SERPINE2: variants seen among roughly 807,000 people sequenced by gnomAD.
The protein encoded by SERPINE2 is serpin family E member 2.
Under a neutral mutation model 36.3 loss-of-function variants are expected in SERPINE2, and 14 were observed. The ratio of observed to expected loss-of-function variants is 0.39; its 90% CI spans 0.25 to 0.60. The LOEUF is 0.60. Among genes scored for constraint, SERPINE2 ranks in the 20% least tolerant of loss-of-function variants. SERPINE2 has a pLI of 0.57. For missense variants in SERPINE2, 418 were observed against 499.6 expected (o/e 0.84, Z 1.56); for synonymous variants, 192 against 191.8 (o/e 1.00, Z -0.01).
rs1225758143 is a variant in SERPINE2, at chr2:223,982,727, A to T, written c.939T>A (p.Ile313=). 1.9e-6 allele frequency: 3 copies of T among 1,613,940 alleles called. No individual in the cohort carries two copies. The highest frequency in any genetic ancestry group is 3.3e-5 in the Admixed American group (2 of 59,982). ...DLKEPLKVLG[I]TDMFDSSKAN... is the part of the protein sequence containing the mutation. ...CCTTTGATGAATCAAACATGTCAGT[A>T]ATGCCAAGAACTTTCAGCGGCTCCT... The change falls in exon 6 of 9, where the codon ATT becomes ATA. Residue 313 remains isoleucine (I), a synonymous_variant. Transcript: ENST00000409304.
intron 3 of SERPINE2, among the ~76,000 whole-genome samples, chr2:223,996,287 C>A (rs1690885659): frequency 1.3e-5 from 2 of 152,168 alleles, no homozygotes; most frequent in South Asian, 4.1e-4. Context: ...AAGAACCAGT[C>A]CTGAGGGCGT....
At chr2:224,004,181 T>C (rs1013481747) in intron 1 of SERPINE2, among the ~76,000 whole-genome samples, 1 of 152,180 alleles carries the variant, frequency 6.6e-6, no homozygotes, top group African/African-American at 2.4e-5. Context: ...ATCCTGATCC[T>C]CACGGTCAGC....
chr2:223,978,480 A>G, intron 7 of SERPINE2: 1 of 152,318 alleles, frequency 6.6e-6, no homozygotes, highest in Non-Finnish European at 1.5e-5. Flanking sequence ...ACTACCTTAT[A>G]CTGCTGTTCC....
chr2:224,034,218 A>T (rs1031393976), intron 1 of SERPINE2, among the ~76,000 whole-genome samples: 2 of 152,176 alleles, frequency 1.3e-5, no homozygotes, highest in African/African-American at 4.8e-5. Flanking sequence ...TCATTGAGGT[A>T]GGCACGGGGA....
At chr2:224,001,180 T>C (rs1559206275) in intron 2 of SERPINE2, among the ~76,000 whole-genome samples, 2 of 152,104 alleles carry the variant, frequency 1.3e-5, no homozygotes, top group Non-Finnish European at 2.9e-5. Context: ...AACTTTATCA[T>C]TTGTGCAGAT....
chr2:223,988,965 G>C (rs1329196969), intron 4 of SERPINE2, among the ~76,000 whole-genome samples: 1 of 152,118 alleles, frequency 6.6e-6, no homozygotes, highest in Non-Finnish European at 1.5e-5. Context: ...AAGTTTCATA[G>C]ACATATTTTA....
At chr2:224,030,474 C>T (rs566731842) in intron 1 of SERPINE2, 1 of 153,014 alleles carries the variant, frequency 6.5e-6, no homozygotes, top group African/African-American at 2.4e-5. Flanking sequence ...AAGATATACT[C>T]TTCGCTTCAT....
Position 223,991,892 on chromosome 2 carries a change from G to T in SERPINE2, c.596C>A (p.Pro199His), listed in dbSNP as rs918355276. 3 of 1,613,284 alleles carry T rather than the reference G, an allele frequency of 1.9e-6. No homozygotes were observed. The highest frequency in any genetic ancestry group is 2.5e-6 in the Non-Finnish European group (3 of 1,179,646). ...FKGLWKSRFQPENTKKRTFVA... is the reference protein window; with the variant it reads ...FKGLWKSRFQHENTKKRTFVA... ...GAAAGTGCGTTTCTTTGTGTTCTCG[G>T]GTTGGAACCGTGATTTCCACAGACC... Residue 199 changes from proline (P) to histidine (H), a missense_variant, in exon 4 of 9, where the codon CCC becomes CAC. Transcript: ENST00000409304.
intron 1 of SERPINE2, among the ~76,000 whole-genome samples, chr2:224,028,025 G>C (rs541338307): frequency 6.6e-6 from 1 of 152,312 alleles, no homozygotes; most frequent in South Asian, 2.1e-4. Flanking sequence ...GAGAAAAAGA[G>C]CATGAATCAG....
In SERPINE2 at chr2:223,980,328, T is replaced by G. The variant is rs1418002764; in HGVS notation, c.1055A>C (p.Lys352Thr). Residue 352 changes from lysine to threonine, a missense_variant, in exon 7 of 9, where the codon AAA becomes ACA. By Grantham distance (78) the Lys-to-Thr change is moderately conservative. Coordinates refer to ENST00000409304, the MANE Select transcript of SERPINE2 (RefSeq NM_001136528.2). Reference sequence around the variant, plus strand: ...GTGCTTACTTGTTGCTGCTGAAGCTTTGGTTCCATCTTCACTGACTTCAAT... The same window carrying G: ...GTGCTTACTTGTTGCTGCTGAAGCTGTGGTTCCATCTTCACTGACTTCAAT... ...AKIEVSEDGT[K>T]ASAATTAILI... 6.2e-7 allele frequency: 1 copy of G among 1,614,094 alleles called. No individual in the cohort carries two copies. Among genetic ancestry groups the G allele is most frequent in the South Asian group, 1.1e-5 (1 of 91,088 alleles).
intron 8 of SERPINE2, among the ~76,000 whole-genome samples, chr2:223,976,184 A>T (rs145586034): frequency 2.0e-5 from 3 of 152,096 alleles, no homozygotes; most frequent in African/African-American, 7.2e-5. Context: ...AGAGTCTTGC[A>T]CTGTCACCCA....
At chr2:224,033,413 G>A (rs1050088089) in intron 1 of SERPINE2, among the ~76,000 whole-genome samples, 1 of 152,016 alleles carries the variant, frequency 6.6e-6, no homozygotes, top group African/African-American at 2.4e-5. Flanking sequence ...ATGCATTTAC[G>A]AAAAAATTTT....
Position 224,004,836 on chromosome 2 carries a change from C to A in SERPINE2, c.-22-2914G>T, listed in dbSNP as rs924838726. ...TATAGTCTATTCTGGTGTCTACATT[C>A]GGCCCACTATAATCTGTACTCCTGA... On this transcript the variant is annotated intron_variant, in intron 1 of 8. Coordinates refer to ENST00000409304, the MANE Select transcript of SERPINE2 (RefSeq NM_001136528.2). Among the ~76,000 whole-genome samples, 8 of 151,364 alleles carry A rather than the reference C, an allele frequency of 5.3e-5. No homozygotes were observed. In the East Asian group the frequency reaches 1.6e-3, roughly 30 times the overall value.
chr2:223,985,300 C>CT (rs35920706), intron 4 of SERPINE2, among the ~76,000 whole-genome samples: 29 of 145,894 alleles, frequency 2.0e-4, no homozygotes, highest in East Asian at 6.0e-4. Context: ...AGAATCATTC[C>CT]TTTTTTTTTT....
intron 8 of SERPINE2, 130 bp from the exon 9 acceptor site, chr2:223,976,034 C>A: frequency 1.5e-6 from 1 of 679,956 alleles, no homozygotes; most frequent in Non-Finnish European, 2.3e-6. Flanking sequence ...TCCAGTATAA[C>A]TTTCTGCAGT....
intron 4 of SERPINE2, among the ~76,000 whole-genome samples, chr2:223,990,917 G>A (rs920063388): frequency 1.2e-4 from 19 of 152,192 alleles, no homozygotes; most frequent in Non-Finnish European, 2.9e-5. Context: ...GGTCGAGGCT[G>A]CGGTGAGCCA....
At chr2:224,002,069 T>A in intron 1 of SERPINE2, 147 bp from the exon 2 acceptor site, 1 of 707,080 alleles carries the variant, frequency 1.4e-6, no homozygotes, top group Non-Finnish European at 2.3e-6. Context: ...CTCCGCCTCC[T>A]GGGTTCAAGC....
chr2:224,001,882 G>C lies in SERPINE2; in HGVS notation c.19C>G (p.Leu7Val), dbSNP rs560021887. The C allele has an allele frequency of 2.5e-6, 4 of 1,613,498 alleles. No homozygotes were observed. Among genetic ancestry groups the C allele is most frequent in the Admixed American group, 1.7e-5 (1 of 60,020 alleles). ...AGCGTCACAGAGGCCAAGAGGAAGA[G>C]GGGGAGATGCCAGTTCATGGTTCCT... MNWHLP[L>V]FLLASVTLPS... Residue 7 changes from leucine (L) to valine (V), a missense_variant, in exon 2 of 9, where the codon CTC (leucine) becomes GTC (valine). Leu to Val is a conservative substitution (Grantham distance 32). Coordinates refer to ENST00000409304, the MANE Select transcript of SERPINE2 (RefSeq NM_001136528.2).
chr2:223,991,250 T>C (rs1199936251), intron 4 of SERPINE2, among the ~76,000 whole-genome samples: 4 of 152,212 alleles, frequency 2.6e-5, no homozygotes, highest in Non-Finnish European at 5.9e-5. Context: ...CATTGTGTGC[T>C]TATGTTCACA....
Sources: allele counts gnomAD v4.1 joint callset (sites outside exome capture counted in the v4.1 genomes callset), GRCh38; gene constraint gnomAD v4.1.1; transcripts MANE v1.5; gene names NCBI Gene and HGNC (gene_info 2026-07-23, HGNC 2026-07-21).